Variants in PARP2 observed in about 807,000 individuals in gnomAD.
PARP2 encodes poly(ADP-ribose) polymerase 2.
In PARP2, 57 loss-of-function variants were observed where a neutral mutation model predicts 77.8. The observed-to-expected ratio is 0.73, with a 90% CI of 0.59 to 0.91. The LOEUF (loss-of-function observed/expected upper bound fraction) is 0.91, where lower values mean the gene tolerates loss of function less well. Among genes scored for constraint, PARP2 ranks in the 40% least tolerant of loss-of-function variants. The pLI, the probability that PARP2 is intolerant of heterozygous loss-of-function variation, is 0.00. For synonymous variants in PARP2, 226 were observed against 242.6 expected (o/e 0.93, Z 0.64); for missense variants, 651 against 689.0 (o/e 0.94, Z 0.62).
intron 2 of PARP2, 31 bp downstream of exon 2, chr14:20,345,118 G>A: frequency 1.2e-6 from 2 of 1,612,954 alleles, no homozygotes; most frequent in Non-Finnish European, 1.7e-6. Flanking sequence ...GCCAGCAAAA[G>A]GGTCTCTGGT....
chr14:20,353,811 T>C (rs1379663246), intron 7 of PARP2, among the ~76,000 whole-genome samples: 2 of 152,120 alleles, frequency 1.3e-5, no homozygotes, highest in East Asian at 1.9e-4. Flanking sequence ...GCCTTTTTTT[T>C]CTAGACTTAT....
intron 7 of PARP2, among the ~76,000 whole-genome samples, chr14:20,353,360 C>T (rs1264987752): frequency 6.6e-6 from 1 of 151,998 alleles, no homozygotes; most frequent in Admixed American, 6.6e-5. Flanking sequence ...CCTGCCTCAG[C>T]CTCCGGAGTA....
At position 20,356,650 on chromosome 14, in the gene PARP2, T is replaced by G. The variant is rs1884164069; in HGVS notation, c.1290T>G (p.Leu430=). 2 of 1,613,992 alleles carry G rather than the reference T, an allele frequency of 1.2e-6. No individual in the cohort carries two copies. Among genetic ancestry groups the G allele is most frequent in the Non-Finnish European group, 1.7e-6 (2 of 1,179,956 alleles). The stretch of plus-strand genomic sequence containing the variant: ...GGGTGGGAATCTTGAGCCATGGGCT[T>G]CGAATTGCCCCACCTGAAGCTCCCA... ...SNWVGILSHG[L]RIAPPEAPIT... Residue 430 remains leucine, a synonymous_variant, in exon 13 of 16, where the codon CTT becomes CTG. Transcript: ENST00000429687.
chr14:20,356,485 GC>G (rs1166468794), intron 12 of PARP2, 51 bp downstream of exon 12: 1 of 1,613,008 alleles, frequency 6.2e-7, no homozygotes, highest in Middle Eastern at 1.7e-4. Context: ...CGAAAGTACA[GC>G]TGTAGAACTT....
At position 20,352,378 on chromosome 14, in the gene PARP2, A is replaced by C. The variant is rs1760919; in HGVS notation, c.600+31A>C. On this transcript the variant is annotated intron_variant, in intron 7 of 15. Transcript: ENST00000429687. ...TCTCACTATACTTTTCGAAAGAAACACATCTTCTTTTTTTATTTTATTTTT... is the reference window on the plus strand; with the variant it reads ...TCTCACTATACTTTTCGAAAGAAACCCATCTTCTTTTTTTATTTTATTTTT... 3.1e-6 allele frequency: 4 copies of C among 1,294,950 alleles called. 1 individual carries two copies. The South Asian group carries it at 3.7e-5, about 12-fold the overall frequency. 80.2% of individuals were successfully genotyped at this position (1,294,950 alleles called of 1,614,324 possible).
chr14:20,347,834 T>C (rs1445966862), intron 4 of PARP2, among the ~76,000 whole-genome samples: 1 of 151,830 alleles, frequency 6.6e-6, no homozygotes, highest in Non-Finnish European at 1.5e-5. Context: ...ATATCATTTA[T>C]TGAAATTGTT....
Position 20,350,767 on chromosome 14 carries a change from T to C in PARP2, c.421+145T>C, listed in dbSNP as rs1883925144. The C allele has an allele frequency of 6.4e-6, 4 of 623,114 alleles. No homozygotes were observed. The East Asian group carries it at 1.1e-4, about 17-fold the overall frequency. 38.6% of individuals were successfully genotyped at this position (623,114 alleles called of 1,614,324 possible). On this transcript the variant is annotated intron_variant, in intron 5 of 15. Transcript: ENST00000429687. The stretch of plus-strand genomic sequence containing the variant: ...AGCCTTAGGAATCAAGTTGAGCATC[T>C]TGAAATTGGGGAATGGCAGGCATCC...
At chr14:20,348,356 T>C (rs1393901862) in intron 4 of PARP2, among the ~76,000 whole-genome samples, 2 of 151,908 alleles carry the variant, frequency 1.3e-5, no homozygotes, top group South Asian at 2.1e-4. Context: ...ATTTTTTCTG[T>C]AGTTAAATTT....
intron 7 of PARP2, 35 bp downstream of exon 7, chr14:20,352,382 C>G: frequency 7.9e-7 from 1 of 1,267,380 alleles, no homozygotes. Context: ...AGAAACACAT[C>G]TTCTTTTTTT....
chr14:20,352,353 TCTCA>T lies in PARP2; in HGVS notation c.600+9_600+12del. The T allele has an allele frequency of 6.7e-7, 1 of 1,502,216 alleles. No individual in the cohort carries two copies. The highest frequency in any genetic ancestry group is 9.3e-7 in the Non-Finnish European group (1 of 1,079,556). The allele number at this position is 1,502,216 out of a possible 1,614,324, so 93.1% of individuals were successfully genotyped here. A position where few individuals can be genotyped will look rare whatever the true frequency, so the allele number is the denominator to read the frequency against. ...ACTATGCCACCAATACTCAGGTAACTCTCACTATACTTTTCGAAAGAAACACATC... is the reference window on the plus strand; with the variant it reads ...ACTATGCCACCAATACTCAGGTAACTCTATACTTTTCGAAAGAAACACATC... On this transcript the variant is annotated splice_region_variant and intron_variant, in intron 7 of 15. Transcript: ENST00000429687.
intron 4 of PARP2, among the ~76,000 whole-genome samples, chr14:20,348,844 A>G (rs1297703633): frequency 6.6e-6 from 1 of 151,862 alleles, no homozygotes; most frequent in African/African-American, 2.4e-5. Flanking sequence ...ATGTGGAGAA[A>G]TCCCATCTCT....
chr14:20,346,321 C>CTTTTTTTTTTT (rs71108595), intron 3 of PARP2, among the ~76,000 whole-genome samples: 2 of 90,860 alleles, frequency 2.2e-5, no homozygotes, highest in African/African-American at 4.6e-5. Flanking sequence ...CAGTTAGAAT[C>CTTTTTTTTTTT]TTTTTTTTTT....
intron 7 of PARP2, among the ~76,000 whole-genome samples, chr14:20,353,389 C>T (rs1884030066): frequency 6.6e-6 from 1 of 151,748 alleles, no homozygotes; most frequent in Non-Finnish European, 1.5e-5. Flanking sequence ...TACAGGCGCC[C>T]GCCACCACGC....
chr14:20,357,236 T>C (rs1594304965), intron 14 of PARP2, 87 bp downstream of exon 14: 1 of 1,321,586 alleles, frequency 7.6e-7, no homozygotes, highest in Non-Finnish European at 1.1e-6. Context: ...ACCAAGAGGT[T>C]TACCTGGGAT....
chr14:20,345,191 ATAAT>A, intron 2 of PARP2, 104 bp downstream of exon 2: 2 of 1,321,610 alleles, frequency 1.5e-6, no homozygotes, highest in South Asian at 1.2e-5. Flanking sequence ...CTTTCAGGGA[ATAAT>A]TAATTTCTCT....
chr14:20,354,640 A>T, intron 8 of PARP2, 169 bp from the exon 9 acceptor site: 1 of 641,824 alleles, frequency 1.6e-6, no homozygotes, highest in Non-Finnish European at 2.7e-6. Context: ...AACTGCATTT[A>T]GCTGTGTTTG....
intron 1 of PARP2, 91 bp downstream of exon 1, chr14:20,343,778 C>G: frequency 2.2e-6 from 3 of 1,381,992 alleles, no homozygotes; most frequent in Non-Finnish European, 3.0e-6. Context: ...CCCCTTCCAG[C>G]TCCCTATAAC....
At position 20,354,934 on chromosome 14, in the gene PARP2, C is replaced by G. The variant is rs373691226; in HGVS notation, c.889C>G (p.Pro297Ala). The G allele has an allele frequency of 2.6e-5, 42 of 1,613,738 alleles. No homozygotes were observed. In the African/African-American group the frequency reaches 5.1e-4, roughly 19 times the overall value. The change falls in exon 9 of 16, where the codon CCG becomes GCG. Residue 297 changes from proline to alanine, a missense_variant. Pro to Ala is a conservative substitution (Grantham distance 27). Transcript: ENST00000429687. ...EACNEFYTRI[P>A]HDFGLRTPPL... Reference sequence around the variant, plus strand: ...ATGCAATGAATTCTACACCAGGATTCCGCATGACTTTGGGTAAGGCCTGTG... The same window carrying G: ...ATGCAATGAATTCTACACCAGGATTGCGCATGACTTTGGGTAAGGCCTGTG...
rs375534938 is a variant in PARP2 at position 20,354,974 on chromosome 14, T to C, written c.902+27T>C. On this transcript the variant is annotated intron_variant, in intron 9 of 15. Coordinates refer to ENST00000429687, the MANE Select transcript of PARP2 (RefSeq NM_001042618.2). ...TAAGGCCTGTGCTGTTACTTCACTTTGTTCTTCTACCTATACATATCCCCT... is the reference window on the plus strand; with the variant it reads ...TAAGGCCTGTGCTGTTACTTCACTTCGTTCTTCTACCTATACATATCCCCT... 14 of 1,598,028 alleles carry C rather than the reference T, an allele frequency of 8.8e-6. No homozygotes were observed. In the African/African-American group the frequency reaches 1.9e-4, roughly 21 times the overall value.
Sources: gnomAD v4.1 joint callset for allele counts (sites outside exome capture counted in the v4.1 genomes callset) on GRCh38, gnomAD v4.1.1 for gene constraint, MANE v1.5 for transcripts, NCBI Gene and HGNC (gene_info 2026-07-23, HGNC 2026-07-21) for gene names.